Variants in PLEKHA5 observed in about 807,000 individuals in gnomAD.
PLEKHA5 encodes the protein pleckstrin homology domain containing A5.
PLEKHA5 carries 55 observed loss-of-function variants against 181.9 expected under a neutral mutation model. The ratio of observed to expected loss-of-function variants is 0.30; its 90% confidence interval spans 0.24 to 0.38. The LOEUF is 0.38. PLEKHA5 is among the 10% of genes least tolerant of loss of function. PLEKHA5 has a pLI of 1.00. For synonymous variants in PLEKHA5, 535 were observed against 529.4 expected (o/e 1.01, Z -0.15); for missense variants, 1,432 against 1,549.5 (o/e 0.92, Z 1.27).
chr12:19,371,410 G>A (rs2095572606), intron 31 of PLEKHA5: 1 of 152,208 alleles, frequency 6.6e-6, no homozygotes, highest in African/African-American at 2.4e-5. Flanking sequence ...TGAGATTTTA[G>A]TGCACCCATT....
At chr12:19,322,208 T>C (rs2091040599) in intron 18 of PLEKHA5, 102 bp from the exon 19 acceptor site, 5 of 710,504 alleles carry the variant, frequency 7.0e-6, no homozygotes. Flanking sequence ...ATTTTAACTT[T>C]TATTGATTGA....
intron 3 of PLEKHA5, among the ~76,000 whole-genome samples, chr12:19,181,981 C>G (rs2048712612): frequency 1.3e-5 from 2 of 152,280 alleles, no homozygotes; most frequent in South Asian, 4.1e-4. Context: ...CTACATAGTC[C>G]TTGCTCTCAA....
rs1761739020 is a variant in PLEKHA5 at position 19,349,318 on chromosome 12, G to T, written c.3019+799G>T. Reference sequence around the variant, plus strand: ...ATTTGTAGAGACAAGGTCTTGCCGTGTTGCCTAAGCTGGTCTTGAACTCTG... The same window carrying T: ...ATTTGTAGAGACAAGGTCTTGCCGTTTTGCCTAAGCTGGTCTTGAACTCTG... On this transcript the variant is annotated intron_variant, in intron 25 of 31. Coordinates refer to ENST00000429027, the MANE Select transcript of PLEKHA5 (RefSeq NM_001256470.2). 1.3e-5 allele frequency among the ~76,000 whole-genome samples: 2 copies of T among 152,032 alleles called. 1 individual carries two copies. Among genetic ancestry groups the T allele is most frequent in the South Asian group, 4.1e-4 (2 of 4,834 alleles).
chr12:19,131,223 C>T (rs1327736304), intron 2 of PLEKHA5, among the ~76,000 whole-genome samples: 1 of 152,122 alleles, frequency 6.6e-6, no homozygotes, highest in Non-Finnish European at 1.5e-5. Context: ...TACATTCTCT[C>T]GGACTCTGAC....
At chr12:19,253,902 T>C (rs368872508) in intron 3 of PLEKHA5, 38 bp from the exon 4 acceptor site, 19 of 1,098,902 alleles carry the variant, frequency 1.7e-5, no homozygotes, top group African/African-American at 4.7e-5. Flanking sequence ...GAATTTTAAA[T>C]ACCTGCATGT....
chr12:19,241,292 G>C (rs1367220906), intron 3 of PLEKHA5, among the ~76,000 whole-genome samples: 4 of 152,010 alleles, frequency 2.6e-5, no homozygotes, highest in Non-Finnish European at 5.9e-5. Flanking sequence ...CTGCTGGTTT[G>C]GTTTTTTGGT....
chr12:19,199,731 T>C (rs2053750825), intron 3 of PLEKHA5, among the ~76,000 whole-genome samples: 2 of 152,198 alleles, frequency 1.3e-5, no homozygotes, highest in Admixed American at 6.6e-5. Context: ...ATTCTACGAC[T>C]TGAGCTTTTT....
intron 4 of PLEKHA5, among the ~76,000 whole-genome samples, chr12:19,254,505 T>C (rs180748219): frequency 6.6e-5 from 10 of 152,326 alleles, no homozygotes; most frequent in African/African-American, 2.2e-4. Flanking sequence ...AAGTAGAATA[T>C]CTGCAATAAT....
intron 3 of PLEKHA5, among the ~76,000 whole-genome samples, chr12:19,206,767 G>A (rs921534225): frequency 3.9e-5 from 6 of 152,192 alleles, no homozygotes; most frequent in South Asian, 2.1e-4. Context: ...GAGGGTTAGC[G>A]TTTAGAGATG....
At chr12:19,365,383 T>C (rs977733529) in intron 29 of PLEKHA5, among the ~76,000 whole-genome samples, 4 of 148,638 alleles carry the variant, frequency 2.7e-5, no homozygotes, top group African/African-American at 7.5e-5. Flanking sequence ...AAAAAAAAAA[T>C]CTTATAACTT....
intron 3 of PLEKHA5, among the ~76,000 whole-genome samples, chr12:19,162,611 G>A (rs967328070): frequency 1.3e-5 from 2 of 150,528 alleles, no homozygotes; most frequent in East Asian, 3.9e-4. Context: ...AGAGCCTGTT[G>A]TCTGCTACAG....
intron 20 of PLEKHA5, among the ~76,000 whole-genome samples, chr12:19,332,189 G>A (rs575035464): frequency 3.6e-4 from 55 of 152,204 alleles, no homozygotes; most frequent in African/African-American, 1.1e-3. Flanking sequence ...CAGGAGGATC[G>A]CTTGAGCCCA....
chr12:19,177,272 A>G (rs1461077551), intron 3 of PLEKHA5, among the ~76,000 whole-genome samples: 1 of 152,164 alleles, frequency 6.6e-6, no homozygotes, highest in Admixed American at 6.5e-5. Context: ...AATATTGAAC[A>G]TAGAGATGTG....
intron 21 of PLEKHA5, among the ~76,000 whole-genome samples, chr12:19,337,548 C>CAAAAAAAAAAAAA (rs1157232818): frequency 1.6e-5 from 1 of 61,682 alleles, no homozygotes; most frequent in Non-Finnish European, 3.4e-5. Flanking sequence ...GACTCTATCT[C>CAAAAAAAAAAAAA]AAAAAAAAAA....
chr12:19,347,767 G>A (rs911908965), intron 24 of PLEKHA5, among the ~76,000 whole-genome samples: 4 of 152,012 alleles, frequency 2.6e-5, no homozygotes, highest in African/African-American at 9.7e-5. Context: ...GCTGGGATGG[G>A]CCTCACTTAG....
intron 20 of PLEKHA5, among the ~76,000 whole-genome samples, chr12:19,329,063 A>G (rs2092574155): frequency 6.6e-6 from 1 of 152,172 alleles, no homozygotes; most frequent in South Asian, 2.1e-4. Context: ...GCTAGATTTT[A>G]TCAAAAGCCT....
chr12:19,307,758 G>T lies in PLEKHA5; in HGVS notation c.2038-7056G>T, dbSNP rs866924271. 2.0e-5 allele frequency among the ~76,000 whole-genome samples: 3 copies of T among 151,874 alleles called. No homozygotes were observed. In the Middle Eastern group the frequency reaches 0.01, roughly 517 times the overall value. On this transcript the variant is annotated intron_variant, in intron 15 of 31. Coordinates refer to ENST00000429027, the MANE Select transcript of PLEKHA5 (RefSeq NM_001256470.2). The stretch of plus-strand genomic sequence containing the variant: ...AAAAACGAGAGACAGAAAGAAAGAA[G>T]ACAAAAGAAACATTCAAAAACACCC...
intron 8 of PLEKHA5, among the ~76,000 whole-genome samples, chr12:19,267,332 G>A (rs904644068): frequency 6.6e-5 from 10 of 152,128 alleles, no homozygotes; most frequent in Admixed American, 5.2e-4. Flanking sequence ...ACTGAGGACT[G>A]CAGCTGATTT....
At chr12:19,362,992 A>G (rs1008642181) in intron 29 of PLEKHA5, among the ~76,000 whole-genome samples, 1 of 151,444 alleles carries the variant, frequency 6.6e-6, no homozygotes, top group Admixed American at 6.6e-5. Context: ...AGATTTTGCT[A>G]TCTGTGGGGG....
Sources: allele counts gnomAD v4.1 joint callset (sites outside exome capture counted in the v4.1 genomes callset), GRCh38; gene constraint gnomAD v4.1.1; transcripts MANE v1.5; gene names NCBI Gene and HGNC (gene_info 2026-07-23, HGNC 2026-07-21).